TMEM178B: variants seen among roughly 807,000 people sequenced by gnomAD.
TMEM178B encodes the protein transmembrane protein 178B.
A neutral mutation model predicts 31.0 loss-of-function variants in TMEM178B; 5 were observed. That is an observed-to-expected ratio of 0.16 (90% CI 0.08 to 0.34). The LOEUF (loss-of-function observed/expected upper bound fraction) is 0.34. TMEM178B is among the 10% of genes least tolerant of loss of function. The pLI is 1.00. For missense variants in TMEM178B, 275 were observed against 400.3 expected, an observed-to-expected ratio of 0.69 and a Z score of 2.67; for synonymous variants, 164 against 164.0, an observed-to-expected ratio of 1.00 and a Z score of 0.00.
the TMEM178B span, among the ~76,000 whole-genome samples, chr7:141,502,562 G>C: frequency 6.6e-6 from 1 of 152,178 alleles, no homozygotes; most frequent in African/African-American, 2.4e-5. Context: ...CCTGAGGTAG[G>C]GAGTTCGAGA....
chr7:141,159,735 G>C (rs1586801658), intron 1 of TMEM178B, among the ~76,000 whole-genome samples: 1 of 152,084 alleles, frequency 6.6e-6, no homozygotes, highest in Admixed American at 6.5e-5. Flanking sequence ...ACTTATATGA[G>C]ATAGAATATT....
At chr7:141,263,207 T>C (rs1008672143) in intron 2 of TMEM178B, among the ~76,000 whole-genome samples, 3 of 152,170 alleles carry the variant, frequency 2.0e-5, no homozygotes, top group African/African-American at 7.2e-5. Flanking sequence ...TCAGACGTTG[T>C]TGTGGCTGAC....
intron 3 of TMEM178B, among the ~76,000 whole-genome samples, chr7:141,447,505 G>A (rs769907779): frequency 1.2e-4 from 19 of 152,134 alleles, no homozygotes; most frequent in Non-Finnish European, 2.2e-4. Context: ...GGCCTCAGAG[G>A]CGTGGGCAGG....
chr7:141,217,778 G>A (rs1205343688), intron 2 of TMEM178B, among the ~76,000 whole-genome samples: 3 of 152,028 alleles, frequency 2.0e-5, no homozygotes, highest in East Asian at 1.9e-4. Flanking sequence ...TCACTGTGAC[G>A]TGAGCTCAGA....
chr7:141,203,209 A>G (rs1324909110), intron 1 of TMEM178B, among the ~76,000 whole-genome samples: 1 of 152,150 alleles, frequency 6.6e-6, no homozygotes, highest in Non-Finnish European at 1.5e-5. Flanking sequence ...TTAAATCTCT[A>G]ACTGGTTTTG....
In TMEM178B at chr7:141,110,552, C is replaced by T. The variant is rs11978801; in HGVS notation, c.382+35860C>T. On this transcript the variant is annotated intron_variant, in intron 1 of 3. Transcript: ENST00000565468. ...GGATGTGAGCACTTATTCATGCTTGCCTGTTCTCCACATGTGTCCTCTCCT... is the reference window on the plus strand; with the variant it reads ...GGATGTGAGCACTTATTCATGCTTGTCTGTTCTCCACATGTGTCCTCTCCT... Among the ~76,000 whole-genome samples, 233 of 152,284 alleles carry T rather than the reference C, an allele frequency of 1.5e-3. 1 individual carries two copies. The highest frequency in any genetic ancestry group is 2.7e-3 in the Non-Finnish European group (181 of 68,024).
chr7:141,189,725 G>A lies in TMEM178B; in HGVS notation c.383-22866G>A, dbSNP rs370603996. Among the ~76,000 whole-genome samples, 22 of 152,288 alleles carry A rather than the reference G, an allele frequency of 1.4e-4. No individual in the cohort carries two copies. The South Asian group carries it at 4.1e-3, about 29-fold the overall frequency. ...GCATGAGCAGCATCCTGACTGTGTC[G>A]GCCATTCTAACGTCTCTCTAGGAAA... is the stretch of plus-strand genomic sequence containing the variant. On this transcript the variant is annotated intron_variant, in intron 1 of 3. Coordinates refer to ENST00000565468, the MANE Select transcript of TMEM178B (RefSeq NM_001195278.2).
rs376530645 is a variant in TMEM178B, at chr7:141,450,978, A to C, written c.634+13233A>C. On this transcript the variant is annotated intron_variant, in intron 3 of 3. Coordinates refer to ENST00000565468, the MANE Select transcript of TMEM178B (RefSeq NM_001195278.2). Reference sequence around the variant, plus strand: ...AAAACAAAAGGTTACTGGGAATGCCACCTGCGGTAAAGGGACAGGCCTCCA... The same window carrying C: ...AAAACAAAAGGTTACTGGGAATGCCCCCTGCGGTAAAGGGACAGGCCTCCA... Among the ~76,000 whole-genome samples the C allele has an allele frequency of 4.4e-3, 669 of 152,260 alleles. 4 individuals are homozygous for C. The highest frequency in any genetic ancestry group is 7.3e-3 in the Non-Finnish European group (498 of 68,018).
At chr7:141,465,184 G>A (rs1160873834) in intron 3 of TMEM178B, among the ~76,000 whole-genome samples, 3 of 152,152 alleles carry the variant, frequency 2.0e-5, no homozygotes, top group African/African-American at 4.8e-5. Context: ...GGATGCATAC[G>A]GACTCTTTTC....
chr7:141,510,751 C>G, the TMEM178B span, among the ~76,000 whole-genome samples: 1 of 142,200 alleles, frequency 7.0e-6, no homozygotes, highest in South Asian at 2.3e-4. Flanking sequence ...CTTGGTGGAT[C>G]CAGGCAACTC....
At chr7:141,274,493 T>C (rs1453964578) in intron 2 of TMEM178B, among the ~76,000 whole-genome samples, 2 of 152,192 alleles carry the variant, frequency 1.3e-5, no homozygotes, top group Admixed American at 6.5e-5. Context: ...ATTGTATACC[T>C]GGGCCTGGGG....
intron 3 of TMEM178B, among the ~76,000 whole-genome samples, chr7:141,457,039 C>A (rs1442843489): frequency 6.6e-6 from 1 of 152,124 alleles, no homozygotes; most frequent in Admixed American, 6.5e-5. Context: ...TCCTTCCCAT[C>A]CTATATAGAA....
At chr7:141,481,953 C>T (rs768604464), downstream of TMEM178B, among the ~76,000 whole-genome samples, 3 of 152,118 alleles carry the variant, frequency 2.0e-5, no homozygotes, top group African/African-American at 4.8e-5. Flanking sequence ...GCTGCAGCAT[C>T]GTGACCTGAG....
At chr7:141,386,228 C>T (rs964375549) in intron 2 of TMEM178B, among the ~76,000 whole-genome samples, 2 of 152,194 alleles carry the variant, frequency 1.3e-5, no homozygotes, top group African/African-American at 2.4e-5. Flanking sequence ...GCTCCTTTCT[C>T]TCCTGGGTGA....
At chr7:141,232,107 A>G (rs998552416) in intron 2 of TMEM178B, among the ~76,000 whole-genome samples, 2 of 152,182 alleles carry the variant, frequency 1.3e-5, no homozygotes, top group African/African-American at 4.8e-5. Context: ...AATGGCTTCC[A>G]GCTCCATCCA....
chr7:141,177,147 G>A (rs761379070), intron 1 of TMEM178B, among the ~76,000 whole-genome samples: 1 of 152,160 alleles, frequency 6.6e-6, no homozygotes, highest in African/African-American at 2.4e-5. Context: ...CTGGTATGTT[G>A]TGTCTTTGTT....
intron 2 of TMEM178B, among the ~76,000 whole-genome samples, chr7:141,276,086 G>C (rs899347389): frequency 6.6e-6 from 1 of 152,194 alleles, no homozygotes; most frequent in Non-Finnish European, 1.5e-5. Context: ...TGTTTTTCCT[G>C]AGTATTAGAA....
chr7:141,382,213 T>C (rs528151947), intron 2 of TMEM178B, among the ~76,000 whole-genome samples: 4 of 152,336 alleles, frequency 2.6e-5, no homozygotes, highest in Non-Finnish European at 5.9e-5. Flanking sequence ...AGCCCAAAGA[T>C]GTCCTATTAC....
intron 1 of TMEM178B, among the ~76,000 whole-genome samples, chr7:141,118,695 T>C (rs1390594073): frequency 6.6e-6 from 1 of 152,176 alleles, no homozygotes; most frequent in Non-Finnish European, 1.5e-5. Flanking sequence ...GTAGAAAATA[T>C]ATCAATGATC....
Sources: allele counts gnomAD v4.1 joint callset (sites outside exome capture counted in the v4.1 genomes callset), GRCh38; gene constraint gnomAD v4.1.1; transcripts MANE v1.5; gene names NCBI Gene and HGNC (gene_info 2026-07-23, HGNC 2026-07-21).